SLC50A1: variants seen among roughly 807,000 people sequenced by gnomAD.
The protein encoded by SLC50A1 is solute carrier family 50 member 1.
In SLC50A1, 22 loss-of-function variants were observed where a neutral mutation model predicts 28.9. That is an observed-to-expected ratio of 0.76 (90% CI 0.54 to 1.09). The LOEUF is 1.09. Among genes scored for constraint, SLC50A1 ranks in the 50% least tolerant of loss-of-function variants. The pLI is 0.00. For synonymous variants in SLC50A1, 96 were observed against 110.6 expected, an observed-to-expected ratio of 0.87 and a Z score of 0.83; for missense variants, 233 against 273.4, an observed-to-expected ratio of 0.85 and a Z score of 1.04.
intron 4 of SLC50A1, 116 bp from the exon 5 acceptor site, chr1:155,137,863 G>A: frequency 6.3e-7 from 1 of 1,586,860 alleles, no homozygotes; most frequent in Non-Finnish European, 8.6e-7. Flanking sequence ...TGGGAGGCAG[G>A]AAAGGTTGGG....
At chr1:155,136,118 G>A (rs1664439713) in intron 1 of SLC50A1, 127 bp downstream of exon 1, 3 of 1,035,940 alleles carry the variant, frequency 2.9e-6, no homozygotes, top group South Asian at 1.4e-5. Flanking sequence ...GGGTCGAGGG[G>A]ACCGGGGTAC....
chr1:155,136,262 T>TGCCAC, intron 1 of SLC50A1, 37 bp from the exon 2 acceptor site: 55 of 1,376,896 alleles, frequency 4.0e-5, no homozygotes, highest in Non-Finnish European at 5.3e-5. Context: ...GCTTCTCCCT[T>TGCCAC]CCCACCCCCA....
chr1:155,135,692 G>T (rs578238556), upstream of SLC50A1: 45 of 1,550,316 alleles, frequency 2.9e-5, no homozygotes, highest in African/African-American at 3.3e-4. Flanking sequence ...TCTGGACCAG[G>T]GTACTGGGAA....
At chr1:155,137,019 T>C in intron 3 of SLC50A1, 68 bp downstream of exon 3, 1 of 1,583,790 alleles carries the variant, frequency 6.3e-7, no homozygotes, top group East Asian at 2.3e-5. Flanking sequence ...CAAACACTAT[T>C]TCCTAGAAGA....
chr1:155,137,449 G>A (rs1433973958), intron 3 of SLC50A1, 112 bp from the exon 4 acceptor site: 11 of 1,314,698 alleles, frequency 8.4e-6, no homozygotes, highest in South Asian at 1.3e-5. Context: ...CAGTGCTGGA[G>A]GCCTAGACAG....
intron 4 of SLC50A1, 72 bp downstream of exon 4, chr1:155,137,794 G>A: frequency 5.0e-6 from 8 of 1,594,190 alleles, no homozygotes; most frequent in Non-Finnish European, 6.9e-6. Context: ...ATGGCTTACA[G>A]TCCCGAGGAA....
intron 2 of SLC50A1, 95 bp downstream of exon 2, chr1:155,136,471 C>T (rs186442697): frequency 5.9e-4 from 691 of 1,165,622 alleles, no homozygotes; most frequent in Middle Eastern, 1.7e-3. Flanking sequence ...TGGCCGGGCG[C>T]GGTGGCTCAC....
upstream of SLC50A1, chr1:155,135,743 G>C (rs1371872018): frequency 6.5e-7 from 1 of 1,549,386 alleles, no homozygotes; most frequent in African/African-American, 1.4e-5. Context: ...GTTCGGCGTC[G>C]GAGGGAGGGT....
Position 155,135,980 on chromosome 1 carries a change from C to CT in SLC50A1, c.70dup (p.Ser24PhefsTer100). Reference sequence around the variant, plus strand: ...GCGTGGTCTTCACCCTTGGCATGTTCTCCGCCGGCCTGTGAGAGTGCGGCC... The same window carrying CT: ...GCGTGGTCTTCACCCTTGGCATGTTCTTCCGCCGGCCTGTGAGAGTGCGGCC... On this transcript the variant is annotated frameshift_variant, in exon 1 of 6. Transcript: ENST00000368404. LOFTEE classifies it high-confidence loss of function. The CT allele has an allele frequency of 6.2e-7, 1 of 1,614,014 alleles. No homozygotes were observed. Among genetic ancestry groups the CT allele is most frequent in the Non-Finnish European group, 8.5e-7 (1 of 1,179,994 alleles).
At position 155,136,126 on chromosome 1, in the gene SLC50A1, T is replaced by C. The variant is rs114843944; in HGVS notation, c.80+135T>C. ...TGGGATCGGGTCGAGGGGACCGGGG[T>C]ACAAGGGCGAGGCTGGTCACTAGGC... On this transcript the variant is annotated intron_variant, in intron 1 of 5. Transcript: ENST00000368404. 1,210 of 923,478 alleles carry C rather than the reference T, an allele frequency of 1.3e-3. 14 individuals carry two copies. In the African/African-American group the frequency reaches 0.021, roughly 16 times the overall value. The allele number at this position is 923,478 out of a possible 1,614,324, so 57.2% of individuals were successfully genotyped here. A position where few individuals can be genotyped will look rare whatever the true frequency, so the allele number is the denominator to read the frequency against.
In SLC50A1 at chr1:155,135,958, T is replaced by C. The variant is rs752030182; in HGVS notation, c.47T>C (p.Val16Ala). The C allele has an allele frequency of 2.2e-5, 36 of 1,613,964 alleles. No individual in the cohort carries two copies. The highest frequency in any genetic ancestry group is 3.1e-5 in the Non-Finnish European group (36 of 1,180,006). ...GACTCGCTCATTTACGGAGCATGCGTGGTCTTCACCCTTGGCATGTTCTCC... is the reference window on the plus strand; with the variant it reads ...GACTCGCTCATTTACGGAGCATGCGCGGTCTTCACCCTTGGCATGTTCTCC... ...FLDSLIYGAC[V>A]VFTLGMFSAG... The change falls in exon 1 of 6, where the codon GTG (valine) becomes GCG (alanine). Residue 16 changes from valine to alanine, a missense_variant. By Grantham distance (64) the Val-to-Ala change is moderately conservative (BLOSUM62 0). Transcript: ENST00000368404.
At chr1:155,136,518 C>T in intron 2 of SLC50A1, 142 bp downstream of exon 2, 5 of 799,996 alleles carry the variant, frequency 6.3e-6, no homozygotes, top group Admixed American at 2.1e-5. Flanking sequence ...CCGAGACGGG[C>T]GGATCACGAG....
chr1:155,137,647 G>T lies in SLC50A1; in HGVS notation c.369G>T (p.Glu123Asp), dbSNP rs1424070033. 1 of 1,614,190 alleles carries T rather than the reference G, an allele frequency of 6.2e-7. No individual in the cohort carries two copies. Among genetic ancestry groups the T allele is most frequent in the South Asian group, 1.1e-5 (1 of 91,084 alleles). The change falls in exon 4 of 6, where the codon GAG (glutamate) becomes GAT (aspartate). Residue 123 changes from glutamate (E) to aspartate (D), a missense_variant. Transcript: ENST00000368404. ...GYFWLLVPNP[E>D]ARLQQLGLFC... Reference sequence around the variant, plus strand: ...TTTGGCTCCTGGTACCCAACCCTGAGGCCCGGCTTCAGCAGTTGGGCCTCT... The same window carrying T: ...TTTGGCTCCTGGTACCCAACCCTGATGCCCGGCTTCAGCAGTTGGGCCTCT...
intron 1 of SLC50A1, 37 bp from the exon 2 acceptor site, chr1:155,136,262 T>TGGCCC: frequency 7.3e-7 from 1 of 1,377,018 alleles, no homozygotes; most frequent in Non-Finnish European, 1.0e-6. Context: ...GCTTCTCCCT[T>TGGCCC]CCCACCCCCA....
upstream of SLC50A1, chr1:155,135,553 T>G: frequency 6.5e-7 from 1 of 1,535,014 alleles, no homozygotes; most frequent in Non-Finnish European, 8.8e-7. Flanking sequence ...CACAGGCCTG[T>G]GGGAACACGA....
rs763316571 is a variant in SLC50A1 at position 155,137,652 on chromosome 1, G to A, written c.374G>A (p.Arg125Gln). ...CTCCTGGTACCCAACCCTGAGGCCC[G>A]GCTTCAGCAGTTGGGCCTCTTCTGC... ...FWLLVPNPEA[R>Q]LQQLGLFCSV... Residue 125 changes from arginine (R) to glutamine (Q), a missense_variant, in exon 4 of 6, where the codon CGG (arginine) becomes CAG (glutamine). Arg to Gln is a conservative substitution (Grantham distance 43). Coordinates refer to ENST00000368404, the MANE Select transcript of SLC50A1 (RefSeq NM_018845.4). The A allele has an allele frequency of 2.4e-5, 38 of 1,614,038 alleles. No homozygotes were observed. The highest frequency in any genetic ancestry group is 3.1e-5 in the Non-Finnish European group (36 of 1,180,034).
At chr1:155,136,750 A>T in intron 2 of SLC50A1, 78 bp from the exon 3 acceptor site, 1 of 1,560,490 alleles carries the variant, frequency 6.4e-7, no homozygotes. Context: ...CTCAAAAAAA[A>T]AAAAAGAGTG....
Position 155,135,884 on chromosome 1 carries a change from C to T in SLC50A1, c.-28C>T, listed in dbSNP as rs1197403585. On this transcript the variant is annotated 5_prime_UTR_variant, in exon 1 of 6. Transcript: ENST00000368404. ...GGCAACCGCAGGCTCGCGGCGGGCG[C>T]TGGGCGCGGGATCCGACTCTAGTCG... The T allele has an allele frequency of 3.7e-6, 6 of 1,605,384 alleles. No homozygotes were observed. The East Asian group carries it at 9.0e-5, about 24-fold the overall frequency.
Position 155,135,933 on chromosome 1 carries a change from G to A in SLC50A1, c.22G>A (p.Asp8Asn). MEAGGFL[D>N]SLIYGACVVF... is the part of the protein sequence containing the mutation. Reference sequence around the variant, plus strand: ...CGTAATGGAGGCGGGCGGCTTTCTGGACTCGCTCATTTACGGAGCATGCGT... The same window carrying A: ...CGTAATGGAGGCGGGCGGCTTTCTGAACTCGCTCATTTACGGAGCATGCGT... Residue 8 changes from aspartate to asparagine, a missense_variant, in exon 1 of 6, where the codon GAC (aspartate) becomes AAC (asparagine). Transcript: ENST00000368404. The A allele has an allele frequency of 6.2e-7, 1 of 1,613,994 alleles. No individual in the cohort carries two copies. Among genetic ancestry groups the A allele is most frequent in the South Asian group, 1.1e-5 (1 of 91,076 alleles).
Sources: gnomAD v4.1 joint callset for allele counts on GRCh38, gnomAD v4.1.1 for gene constraint, MANE v1.5 for transcripts, NCBI Gene and HGNC (gene_info 2026-07-23, HGNC 2026-07-21) for gene names.